The following PCDHGB1 variants were observed in gnomAD, a reference collection of about 807,000 sequenced individuals.
PCDHGB1 encodes the protein protocadherin gamma-B1.
A neutral mutation model predicts 56.6 loss-of-function variants in PCDHGB1; 34 were observed. The ratio of observed to expected loss-of-function variants is 0.60; its 90% CI spans 0.46 to 0.80. The LOEUF is 0.80. Among genes scored for constraint, PCDHGB1 ranks in the 30% least tolerant of loss-of-function variants. The pLI is 0.00. For synonymous variants in PCDHGB1, 561 were observed against 505.9 expected, an observed-to-expected ratio of 1.11 and a Z score of -1.46; for missense variants, 1,278 against 1,204.6, an observed-to-expected ratio of 1.06 and a Z score of -0.90.
In PCDHGB1 at chr5:141,477,125, A is replaced by G; in HGVS notation, c.2410-17682A>G. The G allele has an allele frequency of 2.5e-6, 4 of 1,614,212 alleles. No individual in the cohort carries two copies. The highest frequency in any genetic ancestry group is 3.4e-6 in the Non-Finnish European group (4 of 1,180,036). On this transcript the variant is annotated intron_variant, in intron 1 of 3. Transcript: ENST00000523390. This position sits in a 1 kb window ranked among gnomAD's most constrained non-coding sequence, Gnocchi z 4.9. ...CGCCAATCCCGAAGGAGCACATTGC[A>G]AAGTGTTGGTGGAGGTTGTGGATGT...
rs151105903 is a variant in PCDHGB1 at position 141,419,964 on chromosome 5, T to C, written c.2409+67295T>C. ...GTGGCCTTGGCCTTGATTTCTGTGC[T>C]CTTTCTCCTCGCGGTGATTCTAGCT... On this transcript the variant is annotated intron_variant, in intron 1 of 3. Transcript: ENST00000523390. 3.7e-6 allele frequency: 6 copies of C among 1,614,082 alleles called. No individual in the cohort carries two copies. Among genetic ancestry groups the C allele is most frequent in the Non-Finnish European group, 4.2e-6 (5 of 1,179,900 alleles).
chr5:141,404,739 G>A, intron 1 of PCDHGB1: 1 of 1,614,092 alleles, frequency 6.2e-7, no homozygotes, highest in Non-Finnish European at 8.5e-7. Flanking sequence ...GCAGTGGACA[G>A]AGACTCAGGC....
intron 1 of PCDHGB1, chr5:141,387,785 G>A: frequency 6.8e-7 from 1 of 1,472,108 alleles, no homozygotes; most frequent in Non-Finnish European, 9.1e-7. Flanking sequence ...AACTGGAACT[G>A]CAACTAAAGT....
chr5:141,499,689 CTTTTTTTT>C (rs545067566), intron 2 of PCDHGB1, among the ~76,000 whole-genome samples: 2 of 119,856 alleles, frequency 1.7e-5, no homozygotes, highest in Non-Finnish European at 3.5e-5. Flanking sequence ...TAACAGATGA[CTTTTTTTT>C]TTTTTTTTTT....
chr5:141,371,664 G>A (rs1433896687), intron 1 of PCDHGB1: 2 of 1,613,906 alleles, frequency 1.2e-6, no homozygotes, highest in Non-Finnish European at 1.7e-6. Flanking sequence ...GACGATCACA[G>A]CTACCGACAA....
chr5:141,486,654 T>C lies in PCDHGB1; in HGVS notation c.2410-8153T>C. ...TTGAATGCGCTTATCTCCTACTCAC[T>C]CCTGGAGCCCAGGAATCGAGATGTA... is the stretch of plus-strand genomic sequence containing the variant. On this transcript the variant is annotated intron_variant, in intron 1 of 3. Coordinates refer to ENST00000523390, the MANE Select transcript of PCDHGB1 (RefSeq NM_018922.3). The surrounding 1 kb of genome is among the most constrained non-coding windows in gnomAD (Gnocchi z 5.0). The C allele has an allele frequency of 2.5e-6, 4 of 1,613,922 alleles. No individual in the cohort carries two copies. Among genetic ancestry groups the C allele is most frequent in the Non-Finnish European group, 3.4e-6 (4 of 1,180,026 alleles).
chr5:141,385,640 A>C (rs917789862), intron 1 of PCDHGB1: 1 of 803,664 alleles, frequency 1.2e-6, no homozygotes, highest in Admixed American at 4.6e-5. Context: ...CGAGTCTTTC[A>C]TATTGCACAA....
chr5:141,509,499 T>C (rs895353804), intron 3 of PCDHGB1, among the ~76,000 whole-genome samples: 1 of 152,128 alleles, frequency 6.6e-6, no homozygotes, highest in Non-Finnish European at 1.5e-5. Flanking sequence ...GCATGCTGGA[T>C]GTGACGGTGT....
chr5:141,385,109 C>T (rs931773405), intron 1 of PCDHGB1: 5 of 1,614,174 alleles, frequency 3.1e-6, no homozygotes, highest in Non-Finnish European at 4.2e-6. Flanking sequence ...AACGTGCCCA[C>T]CTCGCACTTT....
chr5:141,350,926 C>A lies in PCDHGB1; in HGVS notation c.666C>A (p.Thr222=), dbSNP rs1022389451. ...GCGGGGACCCGCCTCTAAGCGGCAC[C>A]ACCCATATCTGGATCCGAGTTACGG... ...MDGGDPPLSG[T]THIWIRVTDA... The change falls in exon 1 of 4, where the codon ACC becomes ACA. Residue 222 remains threonine, a synonymous_variant. Coordinates refer to ENST00000523390, the MANE Select transcript of PCDHGB1 (RefSeq NM_018922.3). The A allele has an allele frequency of 3.7e-6, 6 of 1,614,094 alleles. No homozygotes were observed. The highest frequency in any genetic ancestry group is 5.1e-6 in the Non-Finnish European group (6 of 1,179,908).
intron 1 of PCDHGB1, among the ~76,000 whole-genome samples, chr5:141,373,280 A>G (rs1187870137): frequency 6.6e-6 from 1 of 152,242 alleles, no homozygotes; most frequent in Non-Finnish European, 1.5e-5. Context: ...GATGTTGCCT[A>G]TGTCAGGGCA....
chr5:141,387,949 T>C lies in PCDHGB1; in HGVS notation c.2409+35280T>C, dbSNP rs1016295879. The C allele has an allele frequency of 1.6e-5, 24 of 1,491,992 alleles. No individual in the cohort carries two copies. Among genetic ancestry groups the C allele is most frequent in the Non-Finnish European group, 2.1e-5 (23 of 1,116,382 alleles). 92.4% of individuals were successfully genotyped at this position (1,491,992 alleles called of 1,614,324 possible). On this transcript the variant is annotated intron_variant, in intron 1 of 3. Transcript: ENST00000523390. ...CTGCCAGTGCTCTTTCTCTTCCTGC[T>C]GTCTTTGTTCTGCCCGGCGCTCTGT...
chr5:141,385,388 G>A (rs757763221), intron 1 of PCDHGB1: 1 of 1,507,708 alleles, frequency 6.6e-7, no homozygotes, highest in Non-Finnish European at 8.8e-7. Context: ...CTATTATTTT[G>A]CAAAACAAAT....
At chr5:141,505,913 T>C (rs1457583355) in intron 3 of PCDHGB1, among the ~76,000 whole-genome samples, 1 of 152,098 alleles carries the variant, frequency 6.6e-6, no homozygotes, top group African/African-American at 2.4e-5. Context: ...AAGCATAGAG[T>C]TCTGGGCCTG....
At position 141,423,482 on chromosome 5, in the gene PCDHGB1, A is replaced by T. The variant is rs553914622; in HGVS notation, c.2409+70813A>T. On this transcript the variant is annotated intron_variant, in intron 1 of 3. Transcript: ENST00000523390. ...GTGGACGGGGTACAGGCTTTCCTGC[A>T]AACCTATTCCCACGAGGTCTCTCTC... is the stretch of plus-strand genomic sequence containing the variant. 1.1e-5 allele frequency: 17 copies of T among 1,613,968 alleles called. No homozygotes were observed. The African/African-American group carries it at 2.3e-4, about 22-fold the overall frequency.
chr5:141,448,166 A>G (rs1475687778), intron 1 of PCDHGB1, among the ~76,000 whole-genome samples: 2 of 151,978 alleles, frequency 1.3e-5, no homozygotes, highest in Non-Finnish European at 2.9e-5. Context: ...AAAGATCACT[A>G]CTATTCATCC....
Position 141,432,082 on chromosome 5 carries a change from C to G in PCDHGB1, c.2410-62725C>G. The G allele has an allele frequency of 1.2e-6, 2 of 1,614,184 alleles. No individual in the cohort carries two copies. The highest frequency in any genetic ancestry group is 1.7e-6 in the Non-Finnish European group (2 of 1,180,028). On this transcript the variant is annotated intron_variant, in intron 1 of 3. Coordinates refer to ENST00000523390, the MANE Select transcript of PCDHGB1 (RefSeq NM_018922.3). This position sits in a 1 kb window ranked among gnomAD's most constrained non-coding sequence, Gnocchi z 6.0. Reference sequence around the variant, plus strand: ...CCACGGAAACTCATATCTCGCTGAACGTGGCAGACACCAACGACAACCCGC... The same window carrying G: ...CCACGGAAACTCATATCTCGCTGAAGGTGGCAGACACCAACGACAACCCGC...
chr5:141,475,705 A>G (rs2099367264), intron 1 of PCDHGB1, among the ~76,000 whole-genome samples: 1 of 152,246 alleles, frequency 6.6e-6, no homozygotes. Flanking sequence ...CAGAACGGCT[A>G]GCCTCACAGC....
intron 1 of PCDHGB1, among the ~76,000 whole-genome samples, chr5:141,449,205 A>G (rs991001366): frequency 6.6e-6 from 1 of 152,164 alleles, no homozygotes; most frequent in Admixed American, 6.5e-5. Context: ...GTTAATTCTA[A>G]CTTTCTGTTT....
Sources: allele counts gnomAD v4.1 joint callset (sites outside exome capture counted in the v4.1 genomes callset), GRCh38; gene constraint gnomAD v4.1.1; non-coding constraint Gnocchi (gnomAD v3.1); transcripts MANE v1.5; gene names NCBI Gene and HGNC (gene_info 2026-07-23, HGNC 2026-07-21).